Variants in PGAP4 observed in about 807,000 individuals in gnomAD.
PGAP4 encodes GPI-N-acetylgalactosamine transferase PGAP4.
PGAP4 carries 12 observed loss-of-function variants against 28.2 expected under a neutral mutation model. The ratio of observed to expected loss-of-function variants is 0.42; its 90% CI spans 0.27 to 0.69. The LOEUF (loss-of-function observed/expected upper bound fraction) is 0.69, where lower values mean the gene tolerates loss of function less well. Among genes scored for constraint, PGAP4 ranks in the 30% least tolerant of loss-of-function variants. The pLI is 0.22. For synonymous variants in PGAP4, 205 were observed against 211.8 expected (o/e 0.97, Z 0.28); for missense variants, 425 against 513.5 (o/e 0.83, Z 1.67).
chr9:101,515,322 C>G (rs1267267529), intron 2 of PGAP4, among the ~76,000 whole-genome samples: 2 of 152,126 alleles, frequency 1.3e-5, no homozygotes, highest in African/African-American at 4.8e-5. Flanking sequence ...CTTTTTGCCT[C>G]TCTCTTATGA....
intron 2 of PGAP4, among the ~76,000 whole-genome samples, chr9:101,498,044 C>T (rs1826767217): frequency 6.6e-6 from 1 of 151,588 alleles, no homozygotes; most frequent in Non-Finnish European, 1.5e-5. Flanking sequence ...CCTTATTTGC[C>T]CCAGTAGGTA....
At position 101,493,510 on chromosome 9, in the gene PGAP4, T is replaced by C. The variant is rs573347488; in HGVS notation, c.-164-4310A>G. Among the ~76,000 whole-genome samples the C allele has an allele frequency of 2.0e-5, 3 of 152,154 alleles. No homozygotes were observed. The South Asian group carries it at 6.2e-4, about 31-fold the overall frequency. On this transcript the variant is annotated intron_variant, in intron 2 of 3. Transcript: ENST00000374851. ...GTAAAATATTTTTTTTCAGTTTAACTAATAGATACTAAATGATTTCTTAGG... is the reference window on the plus strand; with the variant it reads ...GTAAAATATTTTTTTTCAGTTTAACCAATAGATACTAAATGATTTCTTAGG...
chr9:101,523,183 A>G (rs1473423586), intron 2 of PGAP4, among the ~76,000 whole-genome samples: 1 of 152,038 alleles, frequency 6.6e-6, no homozygotes, highest in Non-Finnish European at 1.5e-5. Context: ...TTAACTTTGG[A>G]TAACCTGATG....
intron 1 of PGAP4, among the ~76,000 whole-genome samples, chr9:101,482,858 T>C (rs10989529): frequency 0.22 from 33,884 of 152,164 alleles, 4,731 homozygotes; most frequent in East Asian, 0.39. Flanking sequence ...CATCTATTTA[T>C]AGCTACCGCT....
chr9:101,518,751 A>G (rs957453239), intron 2 of PGAP4, among the ~76,000 whole-genome samples: 1 of 152,186 alleles, frequency 6.6e-6, no homozygotes, highest in Non-Finnish European at 1.5e-5. Context: ...CAATTTTTCA[A>G]TTGTGAATTG....
intron 1 of PGAP4, among the ~76,000 whole-genome samples, chr9:101,481,840 T>C (rs1037611675): frequency 6.6e-6 from 1 of 152,156 alleles, no homozygotes; most frequent in African/African-American, 2.4e-5. Context: ...AAACACTAGT[T>C]AGTTCTAACT....
intron 2 of PGAP4, among the ~76,000 whole-genome samples, chr9:101,508,251 T>C (rs117927161): frequency 0.039 from 5,962 of 152,118 alleles, 165 homozygotes; most frequent in Admixed American, 0.077. Context: ...ACTTGAAGTC[T>C]GCTCAAGAGG....
intron 2 of PGAP4, among the ~76,000 whole-genome samples, chr9:101,530,740 T>C (rs2118645190): frequency 6.6e-6 from 1 of 152,312 alleles, no homozygotes. Context: ...GATGGCTGAC[T>C]GAGGTGCTCA....
upstream of PGAP4, among the ~76,000 whole-genome samples, chr9:101,491,812 G>GATATATAT (rs58209077): frequency 0.068 from 7,138 of 105,168 alleles, 305 homozygotes; most frequent in Non-Finnish European, 0.069. Context: ...AATCTTAAAG[G>GATATATAT]ATATATATAT....
At chr9:101,478,229 A>G (rs1259476238) in intron 1 of PGAP4, among the ~76,000 whole-genome samples, 9 of 152,218 alleles carry the variant, frequency 5.9e-5, no homozygotes, top group Non-Finnish European at 1.0e-4. Flanking sequence ...TCACAAAAAT[A>G]TTTTAGAAGT....
intron 2 of PGAP4, among the ~76,000 whole-genome samples, chr9:101,527,942 A>G (rs1484158397): frequency 1.3e-5 from 2 of 152,086 alleles, no homozygotes; most frequent in African/African-American, 2.4e-5. Flanking sequence ...ATCTCTACCC[A>G]TGTGGATTTT....
upstream of PGAP4, chr9:101,533,614 T>A (rs1304366511): frequency 1.3e-5 from 2 of 152,134 alleles, no homozygotes; most frequent in Non-Finnish European, 2.9e-5. Flanking sequence ...GGTCAACAAG[T>A]CAACAAAAGC....
chr9:101,491,848 T>TA (rs1588203385), upstream of PGAP4, among the ~76,000 whole-genome samples: 1 of 141,804 alleles, frequency 7.1e-6, no homozygotes, highest in African/African-American at 2.6e-5. Context: ...TATATATATA[T>TA]TCTTTTAAAA....
chr9:101,481,879 C>T (rs1009054364), intron 1 of PGAP4, among the ~76,000 whole-genome samples: 1 of 152,242 alleles, frequency 6.6e-6, no homozygotes, highest in South Asian at 2.1e-4. Context: ...ACTTCCTAAT[C>T]CCACCTCTAC....
chr9:101,489,441 C>T (rs1174031966), upstream of PGAP4, among the ~76,000 whole-genome samples: 1 of 151,974 alleles, frequency 6.6e-6, no homozygotes, highest in Non-Finnish European at 1.5e-5. Flanking sequence ...CAGTGCATAC[C>T]CTAGGGCTTG....
intron 2 of PGAP4, among the ~76,000 whole-genome samples, chr9:101,517,016 AT>A (rs1399180035): frequency 6.6e-6 from 1 of 152,144 alleles, no homozygotes; most frequent in Non-Finnish European, 1.5e-5. Flanking sequence ...CAAAATTTTT[AT>A]TTTATGTAAT....
intron 2 of PGAP4, among the ~76,000 whole-genome samples, chr9:101,508,072 C>T (rs1826863439): frequency 6.6e-6 from 1 of 150,982 alleles, no homozygotes; most frequent in Admixed American, 6.6e-5. Context: ...CTCAATCAGT[C>T]ATTATTTCCC....
chr9:101,505,279 A>AATTTTT (rs2118599083), intron 2 of PGAP4, among the ~76,000 whole-genome samples: 1 of 152,180 alleles, frequency 6.6e-6, no homozygotes, highest in African/African-American at 2.4e-5. Context: ...CCAAATGGAG[A>AATTTTT]AGATTGTTCA....
chr9:101,480,119 A>T (rs1826439730), intron 1 of PGAP4, among the ~76,000 whole-genome samples: 1 of 152,162 alleles, frequency 6.6e-6, no homozygotes, highest in Non-Finnish European at 1.5e-5. Flanking sequence ...CAATCTGCTC[A>T]CGGAGTATGG....
Sources: gnomAD v4.1 joint callset for allele counts (sites outside exome capture counted in the v4.1 genomes callset) on GRCh38, gnomAD v4.1.1 for gene constraint, MANE v1.5 for transcripts, NCBI Gene and HGNC (gene_info 2026-07-23, HGNC 2026-07-21) for gene names.